The following ABCB1 variants were observed in gnomAD, a reference collection of about 807,000 sequenced individuals.
The protein encoded by ABCB1 is ATP-dependent translocase ABCB1.
In ABCB1, 69 loss-of-function variants were observed where a neutral mutation model predicts 142.0. That is an observed-to-expected ratio of 0.49 (90% CI 0.40 to 0.59). ABCB1 has a LOEUF of 0.59. Among genes scored for constraint, ABCB1 ranks in the 20% least tolerant of loss-of-function variants. The pLI, the probability that ABCB1 is intolerant of heterozygous loss-of-function variation, is 0.00. For synonymous variants in ABCB1, 532 were observed against 539.2 expected, an observed-to-expected ratio of 0.99 and a Z score of 0.18; for missense variants, 1,326 against 1,554.7, an observed-to-expected ratio of 0.85 and a Z score of 2.47.
At chr7:87,624,366 G>T (rs1820332601) in intron 1 of ABCB1, among the ~76,000 whole-genome samples, 1 of 152,184 alleles carries the variant, frequency 6.6e-6, no homozygotes, top group African/African-American at 2.4e-5. Flanking sequence ...TCTGAGACTA[G>T]AATAAACTAT....
intron 1 of ABCB1, among the ~76,000 whole-genome samples, chr7:87,702,837 T>C (rs1397053901): frequency 6.6e-6 from 1 of 152,104 alleles, no homozygotes; most frequent in African/African-American, 2.4e-5. Context: ...TTAATGCAAA[T>C]ATTCCAAAAT....
chr7:87,549,101 G>C (rs1461480584), intron 14 of ABCB1, among the ~76,000 whole-genome samples: 1 of 152,134 alleles, frequency 6.6e-6, no homozygotes, highest in Non-Finnish European at 1.5e-5. Flanking sequence ...AGATTAGCAA[G>C]TGTCTTCAAA....
chr7:87,516,796 G>T, intron 23 of ABCB1, 131 bp from the exon 24 acceptor site: 1 of 918,132 alleles, frequency 1.1e-6, no homozygotes, highest in Non-Finnish European at 1.6e-6. Context: ...GAGTGCAGTA[G>T]TGCAATCAGA....
chr7:87,585,815 C>G, intron 3 of ABCB1, 135 bp from the exon 4 acceptor site: 1 of 835,010 alleles, frequency 1.2e-6, no homozygotes, highest in Non-Finnish European at 1.9e-6. Context: ...CCAAGACACC[C>G]TCTACCTTTG....
At chr7:87,626,173 AT>A (rs757708353) in intron 1 of ABCB1, among the ~76,000 whole-genome samples, 14 of 86,210 alleles carry the variant, frequency 1.6e-4, no homozygotes, top group African/African-American at 2.9e-4. Flanking sequence ...TGTCATATAT[AT>A]TGTCATATAT....
At chr7:87,551,915 T>C (rs1478096679) in intron 9 of ABCB1, among the ~76,000 whole-genome samples, 2 of 152,176 alleles carry the variant, frequency 1.3e-5, no homozygotes, top group African/African-American at 4.8e-5. Context: ...GACCCAGTTC[T>C]GAATCCTAAA....
chr7:87,537,216 G>T (rs1282957653), intron 19 of ABCB1, among the ~76,000 whole-genome samples: 1 of 152,138 alleles, frequency 6.6e-6, no homozygotes, highest in Non-Finnish European at 1.5e-5. Context: ...TGGAGTAGAC[G>T]GTGTATTGGA....
chr7:87,709,182 A>G (rs1829856366), intron 1 of ABCB1: 1 of 896,672 alleles, frequency 1.1e-6, no homozygotes, highest in Non-Finnish European at 1.3e-6. Context: ...TTTTGTATGG[A>G]TTGAAATTAA....
intron 20 of ABCB1, 52 bp from the exon 21 acceptor site, chr7:87,531,549 C>A: frequency 1.3e-6 from 2 of 1,544,794 alleles, no homozygotes; most frequent in South Asian, 2.3e-5. Flanking sequence ...CTTCACAACT[C>A]ATGCTTCTAT....
chr7:87,549,400 G>A lies in ABCB1; in HGVS notation c.1673C>T (p.Thr558Met), dbSNP rs370804452. Residue 558 changes from threonine to methionine, a missense_variant, in exon 14 of 28, where the codon ACG (threonine) becomes ATG (methionine). Coordinates refer to ENST00000622132, the MANE Select transcript of ABCB1 (RefSeq NM_001348946.2). ...NPKILLLDEATSALDTESEAV... is the reference protein window; with the variant it reads ...NPKILLLDEAMSALDTESEAV... ...TTCGCTTTCTGTGTCCAAGGCTGAC[G>A]TGGCCTCATCCAGCAGGAGGATCTT... 4 of 1,614,148 alleles carry A rather than the reference G, an allele frequency of 2.5e-6. No individual in the cohort carries two copies. The highest frequency in any genetic ancestry group is 2.2e-5 in the East Asian group (1 of 44,876).
At chr7:87,528,910 T>C (rs1414146984) in intron 21 of ABCB1, among the ~76,000 whole-genome samples, 1 of 152,140 alleles carries the variant, frequency 6.6e-6, no homozygotes, top group Non-Finnish European at 1.5e-5. Flanking sequence ...ATTGCAAGAA[T>C]GCCCACTGGG....
rs1814732234 is a variant in ABCB1 at position 87,506,184 on chromosome 7, G to A, written c.3490-141C>T. ...TAAGAATGGTTCATGAATAATTAAG[G>A]AAAGAACAGTAAAAAAGCCCAAAAT... On this transcript the variant is annotated intron_variant, in intron 26 of 27. Transcript: ENST00000622132. 5.9e-6 allele frequency: 5 copies of A among 842,280 alleles called. No individual in the cohort carries two copies. The African/African-American group carries it at 8.6e-5, about 14-fold the overall frequency. The allele number at this position is 842,280 out of a possible 1,614,324, so 52.2% of individuals were successfully genotyped here. A position where few individuals can be genotyped will look rare whatever the true frequency, so the allele number is the denominator to read the frequency against.
At chr7:87,528,904 C>T (rs1278043184) in intron 21 of ABCB1, among the ~76,000 whole-genome samples, 2 of 152,138 alleles carry the variant, frequency 1.3e-5, no homozygotes, top group African/African-American at 2.4e-5. Context: ...CCAGGAATTG[C>T]AAGAATGCCC....
intron 1 of ABCB1, among the ~76,000 whole-genome samples, chr7:87,648,383 C>T (rs1401584826): frequency 2.0e-5 from 3 of 151,760 alleles, no homozygotes; most frequent in Non-Finnish European, 4.4e-5. Context: ...AAAGTGGTTG[C>T]AACAGAAAGG....
chr7:87,520,779 T>G lies in ABCB1; in HGVS notation c.2783A>C (p.Tyr928Ser), dbSNP rs148718120. The stretch of plus-strand genomic sequence containing the variant: ...CCCACTCTTCAGCGGTTATTACCTG[T>G]ATGGTACCTGCAAACTCTGAGCATA... ...HMYAQSLQVP[Y>S]RNSLRKAHIF... is the part of the protein sequence containing the mutation. The change falls in exon 22 of 28, where the codon TAC becomes TCC. Residue 928 changes from tyrosine (Y) to serine (S), a missense_variant. Transcript: ENST00000622132. 26 of 1,613,084 alleles carry G rather than the reference T, an allele frequency of 1.6e-5. No homozygotes were observed. In the African/African-American group the frequency reaches 2.0e-4, roughly 12 times the overall value.
chr7:87,519,270 C>G (rs776865032), intron 23 of ABCB1, 56 bp downstream of exon 23: 3 of 1,534,158 alleles, frequency 2.0e-6, no homozygotes, highest in Non-Finnish European at 2.7e-6. Flanking sequence ...AGACATGAAG[C>G]ATGTTCATCC....
intron 20 of ABCB1, among the ~76,000 whole-genome samples, chr7:87,535,191 T>C (rs935621600): frequency 1.3e-5 from 2 of 152,170 alleles, no homozygotes; most frequent in African/African-American, 4.8e-5. Context: ...GTTTCTATAG[T>C]GATCCTTTCA....
intron 1 of ABCB1, among the ~76,000 whole-genome samples, chr7:87,611,282 C>T (rs1027041794): frequency 2.0e-5 from 3 of 152,074 alleles, no homozygotes; most frequent in Non-Finnish European, 2.9e-5. Flanking sequence ...CTTTTCTAGG[C>T]TTTATATTGC....
At chr7:87,570,325 T>C in intron 4 of ABCB1, 102 bp from the exon 5 acceptor site, 2 of 1,156,932 alleles carry the variant, frequency 1.7e-6, no homozygotes, top group Non-Finnish European at 1.3e-6. Flanking sequence ...ATGATTTACA[T>C]AAAAATAGGT....
Sources: allele counts gnomAD v4.1 joint callset (sites outside exome capture counted in the v4.1 genomes callset), GRCh38; gene constraint gnomAD v4.1.1; transcripts MANE v1.5; gene names NCBI Gene and HGNC (gene_info 2026-07-23, HGNC 2026-07-21).